The following SLC24A2 variants were observed in gnomAD, a reference collection of about 807,000 sequenced individuals.
The protein encoded by SLC24A2 is sodium/potassium/calcium exchanger 2.
A neutral mutation model predicts 62.0 loss-of-function variants in SLC24A2; 36 were observed. The ratio of observed to expected loss-of-function variants is 0.58; its 90% CI spans 0.44 to 0.77. The LOEUF (loss-of-function observed/expected upper bound fraction) is 0.77, where lower values mean the gene tolerates loss of function less well. Among genes scored for constraint, SLC24A2 ranks in the 30% least tolerant of loss-of-function variants. The pLI, the probability that SLC24A2 is intolerant of heterozygous loss-of-function variation, is 0.00. For synonymous variants in SLC24A2, 358 were observed against 294.0 expected (o/e 1.22, Z -2.23); for missense variants, 846 against 817.9 (o/e 1.03, Z -0.42).
At chr9:20,061,157 T>C in the SLC24A2 span, among the ~76,000 whole-genome samples, 1 of 152,130 alleles carries the variant, frequency 6.6e-6, no homozygotes, top group Non-Finnish European at 1.5e-5. Flanking sequence ...ATAAAGCAAT[T>C]TTGAAGAAAA....
the SLC24A2 span, among the ~76,000 whole-genome samples, chr9:19,938,433 A>C: frequency 6.6e-6 from 1 of 152,166 alleles, no homozygotes; most frequent in African/African-American, 2.4e-5. Context: ...TGTCTTCCCA[A>C]TACTGTGACA....
intron 2 of SLC24A2, among the ~76,000 whole-genome samples, chr9:19,713,460 T>C (rs1470451155): frequency 1.3e-5 from 2 of 152,210 alleles, no homozygotes; most frequent in Non-Finnish European, 2.9e-5. Flanking sequence ...TAAATTATAA[T>C]TTTAAATGTA....
intron 2 of SLC24A2, among the ~76,000 whole-genome samples, chr9:19,767,138 C>T (rs1344773106): frequency 6.6e-6 from 1 of 152,276 alleles, no homozygotes; most frequent in African/African-American, 2.4e-5. Context: ...GCAGGCACCC[C>T]TCCCCCGATC....
chr9:20,152,520 G>A, the SLC24A2 span, among the ~76,000 whole-genome samples: 1 of 151,884 alleles, frequency 6.6e-6, no homozygotes, highest in African/African-American at 2.4e-5. Context: ...AAGTAAAAGT[G>A]AGAGGTGTGA....
the SLC24A2 span, among the ~76,000 whole-genome samples, chr9:20,008,362 G>A: frequency 2.0e-5 from 3 of 152,178 alleles, no homozygotes; most frequent in South Asian, 4.2e-4. Context: ...CTCTGTCTTC[G>A]CCTGGCTCTG....
the SLC24A2 span, among the ~76,000 whole-genome samples, chr9:20,102,458 C>T: frequency 2.3e-5 from 3 of 131,106 alleles, no homozygotes; most frequent in Non-Finnish European, 4.6e-5. Context: ...CACATAGACA[C>T]AGGGAGGTGA....
the SLC24A2 span, among the ~76,000 whole-genome samples, chr9:19,872,433 G>A: frequency 1.3e-5 from 2 of 152,176 alleles, no homozygotes; most frequent in Non-Finnish European, 1.5e-5. Context: ...AGTGATTGAG[G>A]TTGTTGTACC....
chr9:19,883,017 G>A, the SLC24A2 span, among the ~76,000 whole-genome samples: 6 of 152,040 alleles, frequency 3.9e-5, no homozygotes, highest in Non-Finnish European at 5.9e-5. Context: ...TTTTATGGAC[G>A]GTAGCCTTCA....
At chr9:19,754,212 C>T (rs1822067110) in intron 2 of SLC24A2, among the ~76,000 whole-genome samples, 1 of 152,180 alleles carries the variant, frequency 6.6e-6, no homozygotes, top group South Asian at 2.1e-4. Flanking sequence ...GATCCGCCTG[C>T]AGCCACAGGC....
At position 19,512,154 on chromosome 9, in the gene SLC24A2, G is replaced by C. The variant is rs1832739191; in HGVS notation, c.*3999C>G. The C allele has an allele frequency of 6.6e-6, 1 of 152,012 alleles. No homozygotes were observed. 9.4% of individuals were successfully genotyped at this position (152,012 alleles called of 1,614,324 possible). A position where few individuals can be genotyped will look rare whatever the true frequency, so the allele number is the denominator to read the frequency against. On this transcript the variant is annotated 3_prime_UTR_variant, in exon 11 of 11. Transcript: ENST00000341998. ...CTTTAAAAGCTATGTGCAGTGGTGG[G>C]GAGTTTGCCAACTCTCTCCCTGCCC...
intron 2 of SLC24A2, among the ~76,000 whole-genome samples, chr9:19,741,900 T>C (rs1469056188): frequency 6.6e-6 from 1 of 152,236 alleles, no homozygotes; most frequent in East Asian, 1.9e-4. Context: ...GCTATCTCAA[T>C]TTATATTTTA....
chr9:20,091,304 T>G, the SLC24A2 span, among the ~76,000 whole-genome samples: 1 of 151,428 alleles, frequency 6.6e-6, no homozygotes. Flanking sequence ...TTCATGAAAA[T>G]TTCCCCAACC....
the SLC24A2 span, among the ~76,000 whole-genome samples, chr9:20,261,980 C>T: frequency 7.9e-5 from 12 of 152,104 alleles, no homozygotes; most frequent in East Asian, 1.5e-3. Context: ...CCTCGTGATC[C>T]GCCTGCCTCG....
the SLC24A2 span, among the ~76,000 whole-genome samples, chr9:19,989,531 A>G: frequency 6.6e-6 from 1 of 152,178 alleles, no homozygotes; most frequent in Admixed American, 6.5e-5. Context: ...TGAATTCCAT[A>G]GTGTTCTTAG....
the SLC24A2 span, among the ~76,000 whole-genome samples, chr9:19,961,821 G>A: frequency 1.0e-3 from 152 of 152,318 alleles, 1 homozygote; most frequent in South Asian, 3.5e-3. Context: ...GGAAGCCCAT[G>A]TGATGAAAAA....
At chr9:19,642,219 C>T (rs1002206213) in intron 2 of SLC24A2, among the ~76,000 whole-genome samples, 1 of 152,196 alleles carries the variant, frequency 6.6e-6, no homozygotes, top group Non-Finnish European at 1.5e-5. Context: ...TACGCTTACA[C>T]ACACATTCTC....
At chr9:19,759,280 A>G (rs530356719) in intron 2 of SLC24A2, among the ~76,000 whole-genome samples, 17 of 152,292 alleles carry the variant, frequency 1.1e-4, no homozygotes, top group Non-Finnish European at 1.9e-4. Context: ...TGGGTTTCTC[A>G]GTATTGGTGT....
the SLC24A2 span, among the ~76,000 whole-genome samples, chr9:19,892,471 T>C: frequency 1.3e-5 from 2 of 152,224 alleles, no homozygotes; most frequent in South Asian, 4.1e-4. Context: ...GAGCAAAGCC[T>C]GATGCCTCAC....
chr9:19,873,315 C>T, the SLC24A2 span, among the ~76,000 whole-genome samples: 167 of 148,914 alleles, frequency 1.1e-3, 1 homozygote, highest in South Asian at 3.2e-3. Context: ...TCTTTCCTTC[C>T]GTCCTTCTCT....
Sources: gnomAD v4.1 joint callset for allele counts (sites outside exome capture counted in the v4.1 genomes callset) on GRCh38, gnomAD v4.1.1 for gene constraint, MANE v1.5 for transcripts, NCBI Gene and HGNC (gene_info 2026-07-23, HGNC 2026-07-21) for gene names.